PKHD1L1: variants seen among roughly 807,000 people sequenced by gnomAD.
The protein encoded by PKHD1L1 is PKHD1 like 1, also known as fibrocystin-L.
Under a neutral mutation model 462.9 loss-of-function variants are expected in PKHD1L1, and 434 were observed. The observed-to-expected ratio is 0.94, with a 90% CI of 0.87 to 1.02. The LOEUF (loss-of-function observed/expected upper bound fraction) is 1.02. PKHD1L1 is among the 50% of genes least tolerant of loss of function. The pLI is 0.00. For missense variants in PKHD1L1, 5,202 were observed against 5,096.1 expected, an observed-to-expected ratio of 1.02 and a Z score of -0.63; for synonymous variants, 1,781 against 1,750.0, an observed-to-expected ratio of 1.02 and a Z score of -0.44.
intron 4 of PKHD1L1, among the ~76,000 whole-genome samples, chr8:109,383,216 A>ATTATAT: frequency 1.2e-5 from 1 of 85,814 alleles, no homozygotes; most frequent in Non-Finnish European, 2.3e-5. Context: ...TATATAATAT[A>ATTATAT]ATTATATATT....
intron 49 of PKHD1L1, among the ~76,000 whole-genome samples, chr8:109,465,687 A>G (rs1817402497): frequency 6.6e-6 from 1 of 152,210 alleles, no homozygotes; most frequent in South Asian, 2.1e-4. Flanking sequence ...AGCAATATAG[A>G]CAGACTGTAT....
chr8:109,439,138 G>A, intron 32 of PKHD1L1, 46 bp downstream of exon 32: 1 of 1,530,606 alleles, frequency 6.5e-7, no homozygotes, highest in South Asian at 1.2e-5. Context: ...AACACATGGG[G>A]CTAGTGGAAT....
In PKHD1L1 at chr8:109,480,016, T is replaced by TA. The variant is rs765681876; in HGVS notation, c.9205dup (p.Met3069AsnfsTer18). ...GAACATGGATTGTAGCTGACATAGA[T>TA]ATGCCATCAATGGAAAGACTCATTA... On this transcript the variant is annotated frameshift_variant, in exon 55 of 78. Transcript: ENST00000378402. LOFTEE classifies it high-confidence loss of function. 1.1e-4 allele frequency: 171 copies of TA among 1,590,700 alleles called. No individual in the cohort carries two copies. Among genetic ancestry groups the TA allele is most frequent in the Non-Finnish European group, 1.3e-4 (154 of 1,171,514 alleles).
chr8:109,383,342 A>G (rs1226586290), intron 4 of PKHD1L1, among the ~76,000 whole-genome samples: 13 of 110,054 alleles, frequency 1.2e-4, no homozygotes, highest in Non-Finnish European at 1.7e-4. Context: ...TATATAATAT[A>G]TATTTTATAT....
Position 109,518,225 on chromosome 8 carries a change from C to G in PKHD1L1, c.11748C>G (p.Thr3916=), listed in dbSNP as rs778033666. 7.4e-6 allele frequency: 12 copies of G among 1,611,066 alleles called. No homozygotes were observed. The highest frequency in any genetic ancestry group is 3.4e-6 in the Non-Finnish European group (4 of 1,177,654). ...TVLGENYFDG[T]YQMLYLLVKG... Reference sequence around the variant, plus strand: ...TTGGTGAAAACTACTTTGATGGAACCTACCAGATGCTTTATCTTTTGGTTA... The same window carrying G: ...TTGGTGAAAACTACTTTGATGGAACGTACCAGATGCTTTATCTTTTGGTTA... The change falls in exon 73 of 78, where the codon ACC becomes ACG. Residue 3916 remains threonine (T), a synonymous_variant. Coordinates refer to ENST00000378402, the MANE Select transcript of PKHD1L1 (RefSeq NM_177531.6).
chr8:109,470,095 G>T, intron 50 of PKHD1L1: 1 of 447,978 alleles, frequency 2.2e-6, no homozygotes, highest in South Asian at 6.1e-5. Flanking sequence ...ACCTTCCTAA[G>T]TAAATTATTT....
At chr8:109,510,115 T>G (rs1385572064) in intron 70 of PKHD1L1, among the ~76,000 whole-genome samples, 71 of 152,168 alleles carry the variant, frequency 4.7e-4, no homozygotes, top group Non-Finnish European at 1.3e-4. Context: ...AACACTCTAA[T>G]AGTCATAACT....
At chr8:109,502,218 G>C (rs562800057) in intron 67 of PKHD1L1, among the ~76,000 whole-genome samples, 1 of 152,050 alleles carries the variant, frequency 6.6e-6, no homozygotes, top group East Asian at 1.9e-4. Flanking sequence ...ACATGTCATG[G>C]AAATTTGGGC....
intron 61 of PKHD1L1, among the ~76,000 whole-genome samples, 166 bp from the exon 62 acceptor site, chr8:109,491,707 T>C (rs1818834938): frequency 6.6e-6 from 1 of 151,888 alleles, no homozygotes; most frequent in Non-Finnish European, 1.5e-5. Context: ...GAGTTCATTA[T>C]CAAAGAGTTC....
At chr8:109,457,197 C>A (rs1235660479) in intron 46 of PKHD1L1, among the ~76,000 whole-genome samples, 2 of 152,072 alleles carry the variant, frequency 1.3e-5, no homozygotes, top group African/African-American at 2.4e-5. Context: ...GGCCATGATA[C>A]AACTTAAATT....
chr8:109,464,505 C>A lies in PKHD1L1; in HGVS notation c.7673C>A (p.Thr2558Asn), dbSNP rs771355155. 6.2e-7 allele frequency: 1 copy of A among 1,613,766 alleles called. No homozygotes were observed. The highest frequency in any genetic ancestry group is 8.5e-7 in the Non-Finnish European group (1 of 1,179,788). ...QSTSLLNDDV[T>N]PAAFWVTNPN... ...ACCAGTCTTCTGAATGATGATGTGA[C>A]CCCGGCTGCATTTTGGGTCACCAAC... is the stretch of plus-strand genomic sequence containing the variant. The change falls in exon 49 of 78, where the codon ACC becomes AAC. Residue 2558 changes from threonine (T) to asparagine (N), a missense_variant. By Grantham distance (65) the Thr-to-Asn change is moderately conservative. Transcript: ENST00000378402.
At chr8:109,528,311 C>T (rs1164601412) in intron 77 of PKHD1L1, among the ~76,000 whole-genome samples, 4 of 152,108 alleles carry the variant, frequency 2.6e-5, no homozygotes, top group Admixed American at 6.5e-5. Context: ...CATACTTCTC[C>T]GCCCGCAGTT....
At chr8:109,412,203 A>G in intron 19 of PKHD1L1, 62 bp from the exon 20 acceptor site, 1 of 1,576,894 alleles carries the variant, frequency 6.3e-7, no homozygotes, top group Non-Finnish European at 8.7e-7. Context: ...TTGGGTGCAC[A>G]CGTTGGGGGA....
At chr8:109,476,688 A>G (rs1818004841) in intron 52 of PKHD1L1, 21 bp downstream of exon 52, 1 of 1,565,444 alleles carries the variant, frequency 6.4e-7, no homozygotes, top group Non-Finnish European at 8.6e-7. Flanking sequence ...TTAGGCAGAA[A>G]TGATAGTTTA....
intron 38 of PKHD1L1, among the ~76,000 whole-genome samples, chr8:109,447,746 A>G (rs897802781): frequency 2.0e-5 from 3 of 152,238 alleles, no homozygotes; most frequent in Non-Finnish European, 4.4e-5. Context: ...TAATGTCAGG[A>G]AGGAAGCTAC....
chr8:109,381,708 TAAC>T (rs1812126426), intron 3 of PKHD1L1, among the ~76,000 whole-genome samples, 194 bp downstream of exon 3: 2 of 152,156 alleles, frequency 1.3e-5, no homozygotes, highest in African/African-American at 4.8e-5. Context: ...ATTGGCATGA[TAAC>T]AACATATTCT....
rs2130579443 is a variant in PKHD1L1 at position 109,408,224 on chromosome 8, T to C, written c.1971+18T>C. On this transcript the variant is annotated intron_variant, in intron 18 of 77. Transcript: ENST00000378402. ...AAGCTGAAGTACGGTGTAGGAATGT[T>C]TCTACCACGCATTTTCCCTGCACCC... 2 of 1,603,488 alleles carry C rather than the reference T, an allele frequency of 1.2e-6. No individual in the cohort carries two copies. The highest frequency in any genetic ancestry group is 1.7e-6 in the Non-Finnish European group (2 of 1,173,644).
chr8:109,433,929 G>C (rs919154467), intron 28 of PKHD1L1, among the ~76,000 whole-genome samples: 7 of 152,092 alleles, frequency 4.6e-5, no homozygotes, highest in African/African-American at 1.7e-4. Context: ...ATACTATGCG[G>C]CAATAAAAAA....
In PKHD1L1 at chr8:109,372,900, G is replaced by A. The variant is rs560580173; in HGVS notation, c.163+8264G>A. Among the ~76,000 whole-genome samples, 956 of 152,178 alleles carry A rather than the reference G, an allele frequency of 6.3e-3. 7 individuals are homozygous for A. Among genetic ancestry groups the A allele is most frequent in the Middle Eastern group, 0.051 (15 of 294 alleles). On this transcript the variant is annotated intron_variant, in intron 2 of 77. Coordinates refer to ENST00000378402, the MANE Select transcript of PKHD1L1 (RefSeq NM_177531.6). ...AGCTTTTTGATGTGCTGCTGGATTT[G>A]GTTTGCCAGTATTTTATTGAGGATT...
Sources: allele counts gnomAD v4.1 joint callset (sites outside exome capture counted in the v4.1 genomes callset), GRCh38; gene constraint gnomAD v4.1.1; transcripts MANE v1.5; gene names NCBI Gene and HGNC (gene_info 2026-07-23, HGNC 2026-07-21).